Variants in KCNH7 observed in about 807,000 individuals in gnomAD.
KCNH7 encodes the protein voltage-gated inwardly rectifying potassium channel KCNH7.
A neutral mutation model predicts 120.8 loss-of-function variants in KCNH7; 49 were observed. The observed-to-expected ratio is 0.41, with a 90% CI of 0.32 to 0.51. The LOEUF (loss-of-function observed/expected upper bound fraction) is 0.51. Among genes scored for constraint, KCNH7 ranks in the 20% least tolerant of loss-of-function variants. KCNH7 has a pLI of 0.38. For synonymous variants in KCNH7, 547 were observed against 516.1 expected (o/e 1.06, Z -0.81); for missense variants, 1,097 against 1,446.6 (o/e 0.76, Z 3.92).
intron 2 of KCNH7, among the ~76,000 whole-genome samples, chr2:162,780,719 G>T (rs957235822): frequency 6.6e-6 from 1 of 152,094 alleles, no homozygotes; most frequent in African/African-American, 2.4e-5. Context: ...AAATGTGTTA[G>T]AGTTCCAAAC....
At chr2:162,635,257 G>A (rs1240805731) in intron 2 of KCNH7, among the ~76,000 whole-genome samples, 1 of 152,054 alleles carries the variant, frequency 6.6e-6, no homozygotes, top group Non-Finnish European at 1.5e-5. Flanking sequence ...TATAAAATAG[G>A]TAAGACACAG....
At chr2:162,380,346 C>T (rs962875105) in intron 13 of KCNH7, among the ~76,000 whole-genome samples, 3 of 152,126 alleles carry the variant, frequency 2.0e-5, no homozygotes, top group Non-Finnish European at 4.4e-5. Context: ...AACAATGAGT[C>T]TGTGCTTTTA....
At chr2:162,575,074 C>T (rs1185291669) in intron 2 of KCNH7, among the ~76,000 whole-genome samples, 1 of 152,060 alleles carries the variant, frequency 6.6e-6, no homozygotes, top group East Asian at 1.9e-4. Context: ...CATACCAGGT[C>T]TTGCCTCTGC....
At chr2:162,499,514 TA>T (rs1202048980) in intron 6 of KCNH7, among the ~76,000 whole-genome samples, 1 of 152,042 alleles carries the variant, frequency 6.6e-6, no homozygotes, top group African/African-American at 2.4e-5. Flanking sequence ...TCCAAATAAA[TA>T]AAGAAGGTGA....
intron 2 of KCNH7, among the ~76,000 whole-genome samples, chr2:162,670,492 A>AAAAAAAAAAAAAAAG (rs1553511726): frequency 6.9e-6 from 1 of 144,862 alleles, no homozygotes; most frequent in East Asian, 2.0e-4. Flanking sequence ...AAAAAAAAAA[A>AAAAAAAAAAAAAAAG]GAAAAATATT....
At chr2:162,604,715 C>T (rs1208614313) in intron 2 of KCNH7, among the ~76,000 whole-genome samples, 3 of 152,036 alleles carry the variant, frequency 2.0e-5, no homozygotes, top group East Asian at 3.9e-4. Context: ...TGTTGTCTTA[C>T]TTCAACTCTA....
chr2:162,588,513 C>T (rs1694096465), intron 2 of KCNH7, among the ~76,000 whole-genome samples: 1 of 152,024 alleles, frequency 6.6e-6, no homozygotes, highest in Non-Finnish European at 1.5e-5. Context: ...TTATGAACCT[C>T]TTGTTGAAAT....
chr2:162,835,727 T>C (rs1685640447), intron 2 of KCNH7, among the ~76,000 whole-genome samples: 1 of 152,054 alleles, frequency 6.6e-6, no homozygotes, highest in African/African-American at 2.4e-5. Flanking sequence ...TTTACATATA[T>C]ATTGTGTATT....
chr2:162,768,556 C>T (rs1377504915), intron 2 of KCNH7, among the ~76,000 whole-genome samples: 2 of 151,876 alleles, frequency 1.3e-5, no homozygotes, highest in Non-Finnish European at 2.9e-5. Context: ...AAACTGACAA[C>T]GGAGAGGTAA....
At chr2:162,603,070 A>G (rs2105955949) in intron 2 of KCNH7, among the ~76,000 whole-genome samples, 1 of 152,054 alleles carries the variant, frequency 6.6e-6, no homozygotes, top group South Asian at 2.1e-4. Flanking sequence ...TCAGAACCAA[A>G]CAGGTGAAGA....
At chr2:162,826,539 G>A (rs1436265397) in intron 2 of KCNH7, among the ~76,000 whole-genome samples, 1 of 152,040 alleles carries the variant, frequency 6.6e-6, no homozygotes, top group African/African-American at 2.4e-5. Flanking sequence ...AAACCATATG[G>A]CAGCAAGTTA....
intron 13 of KCNH7, among the ~76,000 whole-genome samples, chr2:162,380,957 A>G (rs1030815934): frequency 2.0e-5 from 3 of 152,038 alleles, no homozygotes; most frequent in Non-Finnish European, 4.4e-5. Flanking sequence ...TATTTGGGGG[A>G]AAATATGTCC....
rs536084171 is a variant in KCNH7, at chr2:162,382,023, C to T, written c.2963-2002G>A. On this transcript the variant is annotated intron_variant, in intron 13 of 15. Transcript: ENST00000332142. ...CCAGTTAATGTAGAAATCTTTCTTT[C>T]GAGAAGGCAAGAACTGATAAGACTG... 5.0e-4 allele frequency among the ~76,000 whole-genome samples: 76 copies of T among 152,096 alleles called. 1 individual carries two copies. Among genetic ancestry groups the T allele is most frequent in the Middle Eastern group, 3.4e-3 (1 of 294 alleles).
intron 12 of KCNH7, among the ~76,000 whole-genome samples, chr2:162,389,548 G>C (rs185316871): frequency 1.3e-5 from 2 of 152,100 alleles, no homozygotes; most frequent in Admixed American, 6.6e-5. Context: ...ATGAGGAACG[G>C]GAGGCAGAGG....
At chr2:162,709,006 C>G (rs963172821) in intron 2 of KCNH7, among the ~76,000 whole-genome samples, 1 of 152,046 alleles carries the variant, frequency 6.6e-6, no homozygotes, top group Non-Finnish European at 1.5e-5. Flanking sequence ...ATGAAAGAAT[C>G]AAGGTTAGAC....
chr2:162,508,497 T>C (rs1384130779), intron 5 of KCNH7, among the ~76,000 whole-genome samples: 6 of 151,522 alleles, frequency 4.0e-5, no homozygotes, highest in African/African-American at 1.2e-4. Context: ...TTATGCTTCT[T>C]TCTACGGATT....
At chr2:162,696,087 T>A (rs1186900214) in intron 2 of KCNH7, among the ~76,000 whole-genome samples, 1 of 152,024 alleles carries the variant, frequency 6.6e-6, no homozygotes, top group East Asian at 1.9e-4. Flanking sequence ...CTAACGAAGG[T>A]GTAGAAATAA....
intron 2 of KCNH7, among the ~76,000 whole-genome samples, chr2:162,802,043 T>C (rs1446260535): frequency 6.6e-6 from 1 of 151,800 alleles, no homozygotes; most frequent in Non-Finnish European, 1.5e-5. Context: ...CTAGGAATCT[T>C]AAGCCACAGA....
rs572207647 is a variant in KCNH7, at chr2:162,691,993, T to A, written c.307+144544A>T. Among the ~76,000 whole-genome samples, 11 of 152,338 alleles carry A rather than the reference T, an allele frequency of 7.2e-5. No homozygotes were observed. The South Asian group carries it at 8.3e-4, about 11-fold the overall frequency. ...ATTTTTCTCCTGTGATTTCTACTGCTGCTGATCTATTGGTACCATATGATC... is the reference window on the plus strand; with the variant it reads ...ATTTTTCTCCTGTGATTTCTACTGCAGCTGATCTATTGGTACCATATGATC... On this transcript the variant is annotated intron_variant, in intron 2 of 15. Coordinates refer to ENST00000332142, the MANE Select transcript of KCNH7 (RefSeq NM_033272.4).
Sources: allele counts gnomAD v4.1 joint callset (sites outside exome capture counted in the v4.1 genomes callset), GRCh38; gene constraint gnomAD v4.1.1; transcripts MANE v1.5; gene names NCBI Gene and HGNC (gene_info 2026-07-23, HGNC 2026-07-21).